The following SLC27A2 variants were observed in gnomAD, a reference collection of about 807,000 sequenced individuals.
The protein encoded by SLC27A2 is long-chain fatty acid transport protein 2.
SLC27A2 carries 54 observed loss-of-function variants against 60.0 expected under a neutral mutation model. The ratio of observed to expected loss-of-function variants is 0.90; its 90% CI spans 0.72 to 1.13. The LOEUF is 1.13. Ranked by LOEUF, SLC27A2 falls within the 50% of genes most tolerant of loss-of-function variation. The pLI is 0.00. For synonymous variants in SLC27A2, 297 were observed against 297.6 expected (o/e 1.00, Z 0.02); for missense variants, 739 against 777.6 (o/e 0.95, Z 0.59).
At chr15:50,201,135 G>A (rs11636763) in intron 2 of SLC27A2, among the ~76,000 whole-genome samples, 5,714 of 152,154 alleles carry the variant, frequency 0.038, 164 homozygotes, top group Middle Eastern at 0.068. Context: ...GGTGCATACC[G>A]CCACACCCAG....
At chr15:50,194,446 G>A (rs1381412808) in intron 1 of SLC27A2, among the ~76,000 whole-genome samples, 2 of 152,134 alleles carry the variant, frequency 1.3e-5, no homozygotes, top group African/African-American at 4.8e-5. Context: ...AAGAGGTAGA[G>A]AGTAGGAGAT....
At position 50,183,919 on chromosome 15, in the gene SLC27A2, A is replaced by T. The variant is rs544649412; in HGVS notation, c.478+1014A>T. On this transcript the variant is annotated intron_variant, in intron 1 of 9. Transcript: ENST00000267842. ...TATCCCCACCACCACCACCACCATT[A>T]TACAGTTGAGAAAACTGAGGCTTAA... Among the ~76,000 whole-genome samples the T allele has an allele frequency of 3.3e-5, 5 of 149,440 alleles. No homozygotes were observed. The East Asian group carries it at 1.0e-3, about 31-fold the overall frequency.
chr15:50,188,845 A>T (rs1364136569), intron 1 of SLC27A2, among the ~76,000 whole-genome samples: 1 of 152,184 alleles, frequency 6.6e-6, no homozygotes, highest in East Asian at 1.9e-4. Context: ...CCGTAATCCC[A>T]GCTACTCCGG....
Position 50,226,966 on chromosome 15 carries a change from T to G in SLC27A2, c.1259-14T>G. 1 of 1,605,486 alleles carries G rather than the reference T, an allele frequency of 6.2e-7. No individual in the cohort carries two copies. Among genetic ancestry groups the G allele is most frequent in the Non-Finnish European group, 8.5e-7 (1 of 1,176,574 alleles). On this transcript the variant is annotated splice_polypyrimidine_tract_variant and intron_variant, in intron 6 of 9. Coordinates refer to ENST00000267842, the MANE Select transcript of SLC27A2 (RefSeq NM_003645.4). ...CTCTAGCACATAAAATAAGTTTACT[T>G]TCTTCTGTCTTAGGTGAAGTTGGAC...
chr15:50,216,356 G>C (rs1315229874), intron 4 of SLC27A2, among the ~76,000 whole-genome samples: 1 of 151,894 alleles, frequency 6.6e-6, no homozygotes, highest in East Asian at 1.9e-4. Flanking sequence ...TACACTACTG[G>C]TGGGAATGTA....
At chr15:50,215,600 C>G (rs1428350641) in intron 4 of SLC27A2, among the ~76,000 whole-genome samples, 1 of 152,140 alleles carries the variant, frequency 6.6e-6, no homozygotes, top group Admixed American at 6.5e-5. Context: ...CAGCATGGTA[C>G]TGGTATAAAA....
intron 4 of SLC27A2, among the ~76,000 whole-genome samples, chr15:50,219,834 G>A (rs1204202305): frequency 6.6e-6 from 1 of 152,128 alleles, no homozygotes; most frequent in East Asian, 1.9e-4. Context: ...TCCCCCAGGT[G>A]TGTTTGCATG....
rs1257324542 is a variant in SLC27A2 at position 50,182,229 on chromosome 15, G to GGAACCCCCGGCACGGA, written c.-199_-198insGAACCCCCGGCACGGA. 1.2e-6 allele frequency: 1 copy of GGAACCCCCGGCACGGA among 841,492 alleles called. No individual in the cohort carries two copies. The highest frequency in any genetic ancestry group is 1.8e-5 in the African/African-American group (1 of 55,660). 52.1% of individuals were successfully genotyped at this position (841,492 alleles called of 1,614,324 possible). On this transcript the variant is annotated 5_prime_UTR_variant, in exon 1 of 10. Coordinates refer to ENST00000267842, the MANE Select transcript of SLC27A2 (RefSeq NM_003645.4). Reference sequence around the variant, plus strand: ...CCGGAACCCCCGGCAACGCGCATACGACTACACCTGCTCCGGAGCCCGCGG... The same window carrying GGAACCCCCGGCACGGA: ...CCGGAACCCCCGGCAACGCGCATACGGAACCCCCGGCACGGAACTACACCTGCTCCGGAGCCCGCGG...
intron 4 of SLC27A2, among the ~76,000 whole-genome samples, chr15:50,210,139 G>A (rs1366574038): frequency 6.6e-6 from 1 of 152,166 alleles, no homozygotes; most frequent in Admixed American, 6.5e-5. Context: ...CAGGATCATG[G>A]CGAGCGGGAG....
chr15:50,211,271 T>C (rs893105671), intron 4 of SLC27A2, among the ~76,000 whole-genome samples: 1 of 152,178 alleles, frequency 6.6e-6, no homozygotes, highest in African/African-American at 2.4e-5. Context: ...CTGGTATCCA[T>C]GGCTGAGAGA....
intron 1 of SLC27A2, among the ~76,000 whole-genome samples, chr15:50,185,301 T>C (rs1468555888): frequency 6.6e-6 from 1 of 152,168 alleles, no homozygotes; most frequent in Non-Finnish European, 1.5e-5. Flanking sequence ...GACTTTACAG[T>C]GGACCTAAGG....
chr15:50,217,243 T>C (rs948563704), intron 4 of SLC27A2, among the ~76,000 whole-genome samples: 3 of 152,010 alleles, frequency 2.0e-5, no homozygotes, highest in Non-Finnish European at 4.4e-5. Context: ...CAAGAACTTA[T>C]GGAAAAATAA....
chr15:50,199,186 T>C (rs8040222), intron 2 of SLC27A2, among the ~76,000 whole-genome samples: 7,874 of 152,260 alleles, frequency 0.052, 356 homozygotes, highest in African/African-American at 0.12. Context: ...GTTTATAACT[T>C]TGTTACAATG....
In SLC27A2 at chr15:50,218,165, G is replaced by A. The variant is rs192999003; in HGVS notation, c.973-4800G>A. ...ATATTGTATCCATAAAACAAGAATA[G>A]TGTACTGTTTTAAAAGAAAAAAAGA... On this transcript the variant is annotated intron_variant, in intron 4 of 9. Transcript: ENST00000267842. Among the ~76,000 whole-genome samples, 7 of 149,538 alleles carry A rather than the reference G, an allele frequency of 4.7e-5. No individual in the cohort carries two copies. In the East Asian group the frequency reaches 1.4e-3, roughly 29 times the overall value.
In SLC27A2 at chr15:50,228,376, C is replaced by CAAA. The variant is rs71124333; in HGVS notation, c.1458-548_1458-546dup. On this transcript the variant is annotated intron_variant, in intron 7 of 9. Transcript: ENST00000267842. ...TAAGTGATAGAATGAGACTCTGCCTCAAAAAAAAAAAAAAAAAAAAAAAGA... is the reference window on the plus strand; with the variant it reads ...TAAGTGATAGAATGAGACTCTGCCTCAAAAAAAAAAAAAAAAAAAAAAAAAAGA... Among the ~76,000 whole-genome samples the CAAA allele has an allele frequency of 5.2e-3, 396 of 76,372 alleles. 7 individuals are homozygous for CAAA. Among genetic ancestry groups the CAAA allele is most frequent in the African/African-American group, 0.011 (194 of 18,026 alleles). The allele number at this position is 76,372 out of a possible 152,430, so 50.1% of individuals were successfully genotyped here.
chr15:50,201,923 A>G (rs1204879186), intron 2 of SLC27A2, among the ~76,000 whole-genome samples: 2 of 152,246 alleles, frequency 1.3e-5, no homozygotes, highest in African/African-American at 2.4e-5. Flanking sequence ...CTTTGTTTGT[A>G]TAAAATAACT....
chr15:50,188,817 G>A (rs1233239006), intron 1 of SLC27A2, among the ~76,000 whole-genome samples: 1 of 152,026 alleles, frequency 6.6e-6, no homozygotes, highest in South Asian at 2.1e-4. Context: ...AAAATTAGTC[G>A]GGCATGGTGG....
chr15:50,219,415 C>T (rs1227427735), intron 4 of SLC27A2, among the ~76,000 whole-genome samples: 3 of 151,806 alleles, frequency 2.0e-5, no homozygotes, highest in Non-Finnish European at 4.4e-5. Flanking sequence ...GGCACTCTCT[C>T]TTTGTTGCTT....
chr15:50,233,652 T>C (rs2140916171), intron 8 of SLC27A2, among the ~76,000 whole-genome samples: 1 of 152,332 alleles, frequency 6.6e-6, no homozygotes, highest in African/African-American at 2.4e-5. Flanking sequence ...ACACTTAGTA[T>C]AGGGCCTGGA....
Sources: gnomAD v4.1 joint callset for allele counts (sites outside exome capture counted in the v4.1 genomes callset) on GRCh38, gnomAD v4.1.1 for gene constraint, MANE v1.5 for transcripts, NCBI Gene and HGNC (gene_info 2026-07-23, HGNC 2026-07-21) for gene names.